Variants in PTPRN2 observed in about 807,000 individuals in gnomAD.
The protein encoded by PTPRN2 is receptor-type tyrosine-protein phosphatase N2.
Under a neutral mutation model 118.8 loss-of-function variants are expected in PTPRN2, and 74 were observed. That is an observed-to-expected ratio of 0.62 (90% confidence interval 0.52 to 0.76). The LOEUF is 0.76. PTPRN2 is among the 30% of genes least tolerant of loss of function. The pLI is 0.00. For synonymous variants in PTPRN2, 641 were observed against 608.0 expected, an observed-to-expected ratio of 1.05 and a Z score of -0.80; for missense variants, 1,481 against 1,394.4, an observed-to-expected ratio of 1.06 and a Z score of -0.99.
chr7:158,541,516 C>T, intron 1 of PTPRN2: 1 of 1,352,164 alleles, frequency 7.4e-7, no homozygotes, highest in Non-Finnish European at 9.8e-7. Context: ...ATCACTTCCA[C>T]CCTGGGCAAG....
chr7:158,266,367 G>A (rs185855263), intron 3 of PTPRN2, among the ~76,000 whole-genome samples: 4 of 124,438 alleles, frequency 3.2e-5, no homozygotes, highest in African/African-American at 9.5e-5. Context: ...CGTCTGCTGC[G>A]GGGTATTGTC....
chr7:157,763,484 A>T lies in PTPRN2; in HGVS notation c.1789-80547T>A, dbSNP rs1802267179. Among the ~76,000 whole-genome samples the T allele has an allele frequency of 6.6e-6, 1 of 150,690 alleles. No individual in the cohort carries two copies. The highest frequency in any genetic ancestry group is 6.6e-5 in the Admixed American group (1 of 15,164). On this transcript the variant is annotated intron_variant, in intron 12 of 22. Transcript: ENST00000389418. The surrounding 1 kb of genome is among the most constrained non-coding windows in gnomAD (Gnocchi z 4.9). ...CTCGAGTCCCTTCTCCTAGCCCCAA[A>T]CCCCACGGCACAGTTGGGGATCCTC...
At chr7:158,340,572 C>T in intron 2 of PTPRN2, among the ~76,000 whole-genome samples, 1 of 122,066 alleles carries the variant, frequency 8.2e-6, no homozygotes, top group Admixed American at 8.3e-5. Context: ...CACAATCTCA[C>T]CATAAGAGCC....
chr7:157,830,738 G>A (rs866098006), intron 12 of PTPRN2, among the ~76,000 whole-genome samples: 4 of 152,216 alleles, frequency 2.6e-5, no homozygotes, highest in Admixed American at 6.5e-5. Flanking sequence ...AAACTAAAAC[G>A]TAAAGGTAGA....
Position 158,133,851 on chromosome 7 carries a change from G to C in PTPRN2, c.1382C>G (p.Pro461Arg). Residue 461 changes from proline (P) to arginine (R), a missense_variant, in exon 9 of 23, where the codon CCG becomes CGG. This residue lies in a region of PTPRN2 where 1,115 missense variants were observed against 994.2 expected (regional missense o/e 1.12). Transcript: ENST00000389418. ...TYSKDLLGQQ[P>R]HSEPGAAAFG... is the part of the protein sequence containing the mutation. ...CGCAGCGGCCCCGGGCTCCGAATGCGGCTGCTGCCCCAGCAGATCTTTGGA... is the reference window on the plus strand; with the variant it reads ...CGCAGCGGCCCCGGGCTCCGAATGCCGCTGCTGCCCCAGCAGATCTTTGGA... 1 of 1,613,916 alleles carries C rather than the reference G, an allele frequency of 6.2e-7. No homozygotes were observed. The highest frequency in any genetic ancestry group is 8.5e-7 in the Non-Finnish European group (1 of 1,180,016).
chr7:158,130,539 TAC>T (rs1171285532), intron 9 of PTPRN2, among the ~76,000 whole-genome samples: 6 of 142,006 alleles, frequency 4.2e-5, no homozygotes, highest in Non-Finnish European at 9.2e-5. Context: ...TACATACAGA[TAC>T]ACACATCTAC....
chr7:158,342,270 CCA>C lies in PTPRN2; in HGVS notation c.164-25340_164-25339del, dbSNP rs199907441. Among the ~76,000 whole-genome samples, 434 of 143,210 alleles carry C rather than the reference CCA, an allele frequency of 3.0e-3. 2 individuals are homozygous for C. The highest frequency in any genetic ancestry group is 4.6e-3 in the Admixed American group (67 of 14,536). The allele number at this position is 143,210 out of a possible 152,430, so 94.0% of individuals were successfully genotyped here. ...TGACGCCCGCAGACGTCACTCACACCCACACTCTCACCATAGAGCTGACACCC... is the reference window on the plus strand; with the variant it reads ...TGACGCCCGCAGACGTCACTCACACCCACTCTCACCATAGAGCTGACACCC... On this transcript the variant is annotated intron_variant, in intron 2 of 22. Transcript: ENST00000389418.
At chr7:157,984,222 A>C in intron 11 of PTPRN2, among the ~76,000 whole-genome samples, 1 of 143,608 alleles carries the variant, frequency 7.0e-6, no homozygotes. Context: ...TCTTCACCTG[A>C]AACCACCGCC....
rs766522461 is a variant in PTPRN2 at position 158,138,471 on chromosome 7, C to T, written c.955G>A (p.Ala319Thr). 1 of 1,612,924 alleles carries T rather than the reference C, an allele frequency of 6.2e-7. No homozygotes were observed. The highest frequency in any genetic ancestry group is 1.7e-5 in the Admixed American group (1 of 60,026). Residue 319 changes from alanine to threonine, a missense_variant, in exon 7 of 23, where the codon GCT (alanine) becomes ACT (threonine). This residue lies in a region of PTPRN2 where 1,115 missense variants were observed against 994.2 expected (regional missense o/e 1.12). Transcript: ENST00000389418. ...AGGCCACTCAGGCCCCTCACCTCAG[C>T]CGGCTGCCTCTGCAGGTCCTTCAGG... is the stretch of plus-strand genomic sequence containing the variant. Reference protein sequence around the residue: ...TLLKDLQRQPAEVRGLSGLEL... With the variant: ...TLLKDLQRQPTEVRGLSGLEL...
At chr7:158,116,086 C>T (rs926661744) in intron 9 of PTPRN2, among the ~76,000 whole-genome samples, 68 of 152,202 alleles carry the variant, frequency 4.5e-4, no homozygotes, top group African/African-American at 1.6e-3. Flanking sequence ...GCACCATGCA[C>T]CTCTCCCTGC....
chr7:158,189,294 C>G (rs1825570566), intron 5 of PTPRN2, among the ~76,000 whole-genome samples: 1 of 152,212 alleles, frequency 6.6e-6, no homozygotes, highest in Non-Finnish European at 1.5e-5. Flanking sequence ...AGGCAAATTC[C>G]ATTCTAACTC....
At chr7:158,479,265 C>G (rs1388506724) in intron 2 of PTPRN2, among the ~76,000 whole-genome samples, 1 of 151,978 alleles carries the variant, frequency 6.6e-6, no homozygotes, top group Non-Finnish European at 1.5e-5. Flanking sequence ...CCTGGACTTT[C>G]TGTGAGCGCT....
At chr7:158,363,676 G>C (rs527845141) in intron 2 of PTPRN2, among the ~76,000 whole-genome samples, 11 of 152,298 alleles carry the variant, frequency 7.2e-5, no homozygotes, top group Admixed American at 6.5e-4. Flanking sequence ...GAGACACTTA[G>C]GGTGTCCCAG....
chr7:157,634,247 C>G (rs1319777115), intron 14 of PTPRN2, among the ~76,000 whole-genome samples: 3 of 152,182 alleles, frequency 2.0e-5, no homozygotes, highest in Non-Finnish European at 4.4e-5. Flanking sequence ...ATCTGAGAAG[C>G]AAGGTCATAC....
intron 11 of PTPRN2, among the ~76,000 whole-genome samples, chr7:158,038,210 A>G (rs1808214899): frequency 1.3e-5 from 2 of 152,268 alleles, no homozygotes; most frequent in Admixed American, 1.3e-4. Context: ...TGACAAACAG[A>G]ACCAGTGGAA....
intron 12 of PTPRN2, among the ~76,000 whole-genome samples, chr7:157,895,046 A>AC (rs11455057): frequency 0.42 from 61,798 of 148,074 alleles, 12,877 homozygotes; most frequent in Middle Eastern, 0.47. Context: ...ACAAAAGAGG[A>AC]CCCCTCCCCC....
chr7:158,145,246 G>A (rs547924524), intron 6 of PTPRN2, among the ~76,000 whole-genome samples: 10 of 149,090 alleles, frequency 6.7e-5, no homozygotes, highest in African/African-American at 1.0e-4. Flanking sequence ...AGAATACCAC[G>A]GCTTGGCAAG....
chr7:158,386,946 G>A (rs527747564), intron 2 of PTPRN2, among the ~76,000 whole-genome samples: 8 of 152,256 alleles, frequency 5.3e-5, no homozygotes, highest in South Asian at 2.1e-4. Flanking sequence ...GACTCCACAC[G>A]GCCCGATCAC....
intron 12 of PTPRN2, among the ~76,000 whole-genome samples, chr7:157,726,848 C>T (rs548606938): frequency 1.3e-5 from 2 of 152,242 alleles, no homozygotes; most frequent in Non-Finnish European, 2.9e-5. Flanking sequence ...ACACAAAGTA[C>T]TTGAACACAT....
Sources: gnomAD v4.1 joint callset for allele counts (sites outside exome capture counted in the v4.1 genomes callset) on GRCh38, gnomAD v4.1.1 for gene constraint, gnomAD v4.1.1 regional missense constraint, Gnocchi (gnomAD v3.1) non-coding constraint, MANE v1.5 for transcripts, NCBI Gene and HGNC (gene_info 2026-07-23, HGNC 2026-07-21) for gene names.